The following ADCY8 variants were observed in gnomAD, a reference collection of about 807,000 sequenced individuals.
ADCY8 encodes adenylate cyclase type 8.
Under a neutral mutation model 119.7 loss-of-function variants are expected in ADCY8, and 51 were observed. The observed-to-expected ratio is 0.43, with a 90% CI of 0.34 to 0.54. The LOEUF is 0.54. ADCY8 is among the 20% of genes least tolerant of loss of function. The pLI, the probability that ADCY8 is intolerant of heterozygous loss-of-function variation, is 0.03. For missense variants in ADCY8, 1,383 were observed against 1,598.8 expected, an observed-to-expected ratio of 0.87 and a Z score of 2.30; for synonymous variants, 665 against 651.0, an observed-to-expected ratio of 1.02 and a Z score of -0.33.
intron 5 of ADCY8, among the ~76,000 whole-genome samples, chr8:130,936,458 C>G (rs569671449): frequency 5.3e-5 from 8 of 152,252 alleles, no homozygotes; most frequent in African/African-American, 1.4e-4. Context: ...CTGCTGCCAG[C>G]CTACAGTCCA....
chr8:130,810,953 T>G (rs577283020), intron 14 of ADCY8, among the ~76,000 whole-genome samples: 5 of 151,298 alleles, frequency 3.3e-5, no homozygotes, highest in East Asian at 1.9e-4. Context: ...TAAAAAGCTG[T>G]TTTTTTTTCT....
chr8:130,795,282 C>T (rs1275780873), intron 15 of ADCY8, among the ~76,000 whole-genome samples: 1 of 152,090 alleles, frequency 6.6e-6, no homozygotes, highest in African/African-American at 2.4e-5. Context: ...GTCCCAAGGT[C>T]CCAGGGTGAG....
At chr8:131,000,821 G>GGGAAAAGAGACAACA (rs1822920952) in intron 1 of ADCY8, among the ~76,000 whole-genome samples, 1 of 151,982 alleles carries the variant, frequency 6.6e-6, no homozygotes, top group Non-Finnish European at 1.5e-5. Flanking sequence ...GCCTGGTAAA[G>GGGAAAAGAGACAACA]GGAAAAGAGA....
intron 8 of ADCY8, among the ~76,000 whole-genome samples, chr8:130,873,799 A>G (rs1017543816): frequency 6.6e-6 from 1 of 152,114 alleles, no homozygotes; most frequent in Non-Finnish European, 1.5e-5. Flanking sequence ...CAAGTCCTCA[A>G]TTGGGAGCCC....
Position 130,909,868 on chromosome 8 carries a change from T to C in ADCY8, c.1482-2A>G. 6.2e-7 allele frequency: 1 copy of C among 1,613,912 alleles called. No homozygotes were observed. Among genetic ancestry groups the C allele is most frequent in the Non-Finnish European group, 8.5e-7 (1 of 1,179,940 alleles). On this transcript the variant is annotated splice_acceptor_variant, in intron 5 of 17. Transcript: ENST00000286355. LOFTEE classifies it high-confidence loss of function. Reference sequence around the variant, plus strand: ...TGTTTTGTCCTTGACCGCACATACCTGTTGACATAGGTAAATGGAGAGACA... The same window carrying C: ...TGTTTTGTCCTTGACCGCACATACCCGTTGACATAGGTAAATGGAGAGACA...
Position 130,780,377 on chromosome 8 carries a change from A to G in ADCY8, c.*13T>C. On this transcript the variant is annotated 3_prime_UTR_variant, in exon 18 of 18. Transcript: ENST00000286355. ...AAAGAAATACAAAAAAAAAAAACAG[A>G]AAGAAAATGCTTTTATGGCAAATCA... 7.2e-7 allele frequency: 1 copy of G among 1,395,672 alleles called. No homozygotes were observed. The highest frequency in any genetic ancestry group is 9.4e-7 in the Non-Finnish European group (1 of 1,068,816). 86.5% of individuals were successfully genotyped at this position (1,395,672 alleles called of 1,614,324 possible). A position where few individuals can be genotyped will look rare whatever the true frequency, so the allele number is the denominator to read the frequency against.
At chr8:130,972,379 T>C (rs1821949059) in intron 2 of ADCY8, among the ~76,000 whole-genome samples, 1 of 152,156 alleles carries the variant, frequency 6.6e-6, no homozygotes, top group Admixed American at 6.5e-5. Context: ...ATGTTCCAGT[T>C]GTCAACAGGG....
At chr8:130,901,467 A>G (rs1819600542) in intron 7 of ADCY8, among the ~76,000 whole-genome samples, 1 of 152,172 alleles carries the variant, frequency 6.6e-6, no homozygotes, top group South Asian at 2.1e-4. Context: ...GAATACCCCC[A>G]GTGAAGCATT....
At chr8:130,972,205 T>C (rs6470875) in intron 2 of ADCY8, among the ~76,000 whole-genome samples, 129,144 of 152,174 alleles carry the variant, frequency 0.85, 57,396 homozygotes, top group Non-Finnish European at 0.97. Flanking sequence ...CAACCATACT[T>C]TTATTGAGCA....
chr8:130,835,936 G>A (rs1326867726), intron 12 of ADCY8, among the ~76,000 whole-genome samples: 3 of 152,066 alleles, frequency 2.0e-5, no homozygotes, highest in African/African-American at 7.2e-5. Flanking sequence ...AATACACAGT[G>A]GCTGCTATTA....
chr8:130,796,317 G>C (rs1169044303), intron 15 of ADCY8, among the ~76,000 whole-genome samples: 1 of 152,198 alleles, frequency 6.6e-6, no homozygotes, highest in Non-Finnish European at 1.5e-5. Context: ...AGTGGTCCCT[G>C]ATCAGCCCAT....
intron 12 of ADCY8, among the ~76,000 whole-genome samples, chr8:130,826,132 T>C (rs1017922610): frequency 6.6e-6 from 1 of 152,218 alleles, no homozygotes; most frequent in Non-Finnish European, 1.5e-5. Context: ...ACTGGCTTTG[T>C]CATATACTAG....
intron 7 of ADCY8, among the ~76,000 whole-genome samples, chr8:130,894,153 G>A (rs1238655811): frequency 4.6e-5 from 7 of 152,006 alleles, no homozygotes; most frequent in Admixed American, 4.6e-4. Context: ...TTCCAATGGA[G>A]CAACAAATTA....
At chr8:130,982,784 T>C (rs1822277489) in intron 2 of ADCY8, among the ~76,000 whole-genome samples, 1 of 152,266 alleles carries the variant, frequency 6.6e-6, no homozygotes, top group Admixed American at 6.5e-5. Flanking sequence ...TTTCAATGTA[T>C]AATCAACATT....
intron 9 of ADCY8, among the ~76,000 whole-genome samples, chr8:130,851,028 C>A (rs1232005905): frequency 1.3e-5 from 2 of 152,120 alleles, no homozygotes; most frequent in Non-Finnish European, 2.9e-5. Flanking sequence ...AGTGTTAGAG[C>A]CAGAATTTAA....
chr8:130,937,718 T>C (rs1267050127), intron 4 of ADCY8, among the ~76,000 whole-genome samples: 1 of 152,252 alleles, frequency 6.6e-6, no homozygotes, highest in East Asian at 1.9e-4. Context: ...AACTAAGTCT[T>C]CTTATATATC....
At chr8:130,838,445 T>G (rs1817051802) in intron 11 of ADCY8, among the ~76,000 whole-genome samples, 1 of 152,196 alleles carries the variant, frequency 6.6e-6, no homozygotes, top group Non-Finnish European at 1.5e-5. Flanking sequence ...TAGGAAGCTG[T>G]GTCTGAAGTG....
intron 5 of ADCY8, among the ~76,000 whole-genome samples, chr8:130,918,835 C>T (rs1820210065): frequency 6.6e-6 from 1 of 152,170 alleles, no homozygotes; most frequent in African/African-American, 2.4e-5. Flanking sequence ...CCAAGGCGGG[C>T]AGATCGCCTG....
chr8:130,906,838 C>T (rs1489096385), intron 6 of ADCY8, among the ~76,000 whole-genome samples: 1 of 150,964 alleles, frequency 6.6e-6, no homozygotes, highest in Non-Finnish European at 1.5e-5. Context: ...TTACTGTGTG[C>T]CCCATGGATT....
Sources: gnomAD v4.1 joint callset for allele counts (sites outside exome capture counted in the v4.1 genomes callset) on GRCh38, gnomAD v4.1.1 for gene constraint, MANE v1.5 for transcripts, NCBI Gene and HGNC (gene_info 2026-07-23, HGNC 2026-07-21) for gene names.